The following GSTO2 variants were observed in gnomAD, a reference collection of about 807,000 sequenced individuals.
GSTO2 encodes glutathione S-transferase omega 2, also known as glutathione S-transferase omega-2.
In GSTO2, 23 loss-of-function variants were observed where a neutral mutation model predicts 28.4. The observed-to-expected ratio is 0.81, with a 90% confidence interval of 0.58 to 1.15. GSTO2 has a LOEUF of 1.15. GSTO2 is among the 50% of genes most tolerant of loss of function. GSTO2 has a pLI of 0.00. For synonymous variants in GSTO2, 109 were observed against 111.0 expected (o/e 0.98, Z 0.11); for missense variants, 298 against 297.8 (o/e 1.00, Z 0.00).
intron 2 of GSTO2, 61 bp from the exon 3 acceptor site, chr10:104,275,165 C>G (rs570745578): frequency 9.7e-6 from 15 of 1,549,420 alleles, no homozygotes; most frequent in Non-Finnish European, 1.3e-5. Flanking sequence ...TGAGCGAGCT[C>G]CTTCCTCACC....
chr10:104,290,798 CAG>C (rs2012728300), intron 5 of GSTO2, among the ~76,000 whole-genome samples: 1 of 152,042 alleles, frequency 6.6e-6, no homozygotes, highest in African/African-American at 2.4e-5. Flanking sequence ...GTACAAAAAA[CAG>C]AAAGAATGAA....
In GSTO2 at chr10:104,272,587, C is replaced by CTTTTTTTTTTTTTTTTTTT. The variant is rs768279768; in HGVS notation, c.-231-2072_-231-2054dup. ...GAATCAAAATAGAACAGTTATGGGA[C>CTTTTTTTTTTTTTTTTTTT]TTTTTTTTTTTTTTTTTTTTTTTTT... is the stretch of plus-strand genomic sequence containing the variant. On this transcript the variant is annotated intron_variant, in intron 1 of 6. Coordinates refer to ENST00000338595, the MANE Select transcript of GSTO2 (RefSeq NM_183239.2). 2.4e-4 allele frequency among the ~76,000 whole-genome samples: 12 copies of CTTTTTTTTTTTTTTTTTTT among 49,308 alleles called. 4 individuals carry two copies. The highest frequency in any genetic ancestry group is 3.4e-4 in the Non-Finnish European group (9 of 26,482). The allele number at this position is 49,308 out of a possible 152,430, so 32.3% of individuals were successfully genotyped here. A position where few individuals can be genotyped will look rare whatever the true frequency, so the allele number is the denominator to read the frequency against.
intron 5 of GSTO2, chr10:104,294,917 C>T (rs1171197710): frequency 6.6e-6 from 1 of 152,214 alleles, no homozygotes; most frequent in Non-Finnish European, 1.5e-5. Flanking sequence ...CCTCACTTTA[C>T]CAAAGGACCC....
chr10:104,277,936 G>A lies in GSTO2; in HGVS notation c.186G>A (p.Trp62Ter). The A allele has an allele frequency of 6.2e-7, 1 of 1,613,994 alleles. No homozygotes were observed. Among genetic ancestry groups the A allele is most frequent in the South Asian group, 1.1e-5 (1 of 91,080 alleles). ...TTAACCTGAGAAACAAGCCTGAATG[G>A]TACTATACAAAGCACCCTTTTGGCC... ...VNINLRNKPE[W>*]YYTKHPFGHI... Residue 62 changes from tryptophan to a stop codon, truncating the protein, a stop_gained, in exon 4 of 7, where the codon TGG (tryptophan) becomes TGA (stop). Transcript: ENST00000338595. LOFTEE classifies it high-confidence loss of function.
At chr10:104,285,882 A>G in intron 5 of GSTO2, 1 of 284,396 alleles carries the variant, frequency 3.5e-6, no homozygotes. Context: ...ATTAATTTCC[A>G]GTGATGAAAT....
rs2013292159 is a variant in GSTO2 at position 104,302,668 on chromosome 10, G to A, written c.*3384G>A. 2 of 152,254 alleles carry A rather than the reference G, an allele frequency of 1.3e-5. No homozygotes were observed. The highest frequency in any genetic ancestry group is 2.4e-5 in the African/African-American group (1 of 41,464). The allele number at this position is 152,254 out of a possible 1,614,324, so 9.4% of individuals were successfully genotyped here. A position where few individuals can be genotyped will look rare whatever the true frequency, so the allele number is the denominator to read the frequency against. ...AATGTAATCCCCAATGCTGGTGGGA[G>A]GTGATTGGATCATGGGGGTAGATTT... On this transcript the variant is annotated 3_prime_UTR_variant, in exon 7 of 7. Transcript: ENST00000338595.
intron 5 of GSTO2, among the ~76,000 whole-genome samples, chr10:104,287,112 G>A (rs1405589606): frequency 1.3e-5 from 2 of 151,968 alleles, no homozygotes; most frequent in Non-Finnish European, 2.9e-5. Context: ...GGAATGCAGG[G>A]TGCAATCACG....
intron 1 of GSTO2, among the ~76,000 whole-genome samples, chr10:104,274,168 C>A (rs1030756135): frequency 6.6e-6 from 1 of 152,110 alleles, no homozygotes; most frequent in Non-Finnish European, 1.5e-5. Flanking sequence ...TGCTGGGGAA[C>A]GGGGGAAGCT....
intron 5 of GSTO2, among the ~76,000 whole-genome samples, chr10:104,283,508 C>T (rs2012210484): frequency 1.3e-5 from 2 of 152,146 alleles, no homozygotes; most frequent in South Asian, 2.1e-4. Context: ...GGTCTGTAGT[C>T]CCACCTTCTC....
At chr10:104,277,575 C>T (rs1027210832) in intron 3 of GSTO2, among the ~76,000 whole-genome samples, 7 of 152,034 alleles carry the variant, frequency 4.6e-5, no homozygotes, top group South Asian at 2.1e-4. Flanking sequence ...TGTGAGGCAC[C>T]GCGCCCGGCC....
At chr10:104,299,043 A>G (rs2013170338) in intron 6 of GSTO2, 85 bp from the exon 7 acceptor site, 4 of 1,238,642 alleles carry the variant, frequency 3.2e-6, no homozygotes, top group South Asian at 1.7e-5. Flanking sequence ...CATTCTTCAT[A>G]TCTTGCAAAT....
intron 5 of GSTO2, among the ~76,000 whole-genome samples, chr10:104,292,236 T>A (rs2012810368): frequency 6.6e-6 from 1 of 151,632 alleles, no homozygotes; most frequent in African/African-American, 2.4e-5. Flanking sequence ...AGAGGGGGTC[T>A]TGCTGTGTTT....
chr10:104,278,277 C>A (rs943832818), intron 4 of GSTO2, among the ~76,000 whole-genome samples, 161 bp downstream of exon 4: 5 of 152,130 alleles, frequency 3.3e-5, no homozygotes, highest in Non-Finnish European at 5.9e-5. Context: ...AGAGCATGGC[C>A]ACTGATATTA....
At chr10:104,291,016 C>G (rs1564851185) in intron 5 of GSTO2, among the ~76,000 whole-genome samples, 1 of 152,118 alleles carries the variant, frequency 6.6e-6, no homozygotes, top group South Asian at 2.1e-4. Context: ...ATATATACAC[C>G]TACTATGTGC....
At chr10:104,290,897 T>C (rs1372999986) in intron 5 of GSTO2, among the ~76,000 whole-genome samples, 1 of 152,192 alleles carries the variant, frequency 6.6e-6, no homozygotes, top group African/African-American at 2.4e-5. Context: ...AACAGTGTAA[T>C]TGGGTTGTTT....
At position 104,274,807 on chromosome 10, in the gene GSTO2, G is replaced by A; in HGVS notation, c.-109G>A. ...CAGTAGTTCAAAAATTAAATTTGGG[G>A]CAAGGGGTGCGCGCCAGAGCGCAGC... is the stretch of plus-strand genomic sequence containing the variant. On this transcript the variant is annotated 5_prime_UTR_variant, in exon 2 of 7. Coordinates refer to ENST00000338595, the MANE Select transcript of GSTO2 (RefSeq NM_183239.2). 1 of 1,356,710 alleles carries A rather than the reference G, an allele frequency of 7.4e-7. No individual in the cohort carries two copies. Among genetic ancestry groups the A allele is most frequent in the Admixed American group, 2.0e-5 (1 of 49,158 alleles). 84.0% of individuals were successfully genotyped at this position (1,356,710 alleles called of 1,614,324 possible).
At chr10:104,290,636 A>G (rs1347360434) in intron 5 of GSTO2, among the ~76,000 whole-genome samples, 1 of 152,264 alleles carries the variant, frequency 6.6e-6, no homozygotes, top group Non-Finnish European at 1.5e-5. Context: ...GAAACAAGCC[A>G]GGCACAGAAA....
chr10:104,271,387 C>T (rs1277791169), intron 1 of GSTO2, among the ~76,000 whole-genome samples: 1 of 152,244 alleles, frequency 6.6e-6, no homozygotes, highest in Non-Finnish European at 1.5e-5. Context: ...TTCTTACTCA[C>T]TAGCGTTTGT....
Position 104,279,373 on chromosome 10 carries a change from C to T in GSTO2, c.370C>T (p.Pro124Ser). ...KMLLELFCKV[P>S]HLTKECLVAL... The stretch of plus-strand genomic sequence containing the variant: ...AGAACCTGTGTCCTCTGATTAGGTC[C>T]CACATTTGACCAAGGAGTGCCTGGT... Residue 124 changes from proline to serine, a missense_variant, in exon 5 of 7, where the codon CCA becomes TCA. Physicochemically the swap from Pro to Ser is moderately conservative, Grantham distance 74. Coordinates refer to ENST00000338595, the MANE Select transcript of GSTO2 (RefSeq NM_183239.2). 1.9e-6 allele frequency: 3 copies of T among 1,612,762 alleles called. No individual in the cohort carries two copies. The highest frequency in any genetic ancestry group is 2.5e-6 in the Non-Finnish European group (3 of 1,178,812).
Sources: allele counts gnomAD v4.1 joint callset (sites outside exome capture counted in the v4.1 genomes callset), GRCh38; gene constraint gnomAD v4.1.1; transcripts MANE v1.5; gene names NCBI Gene and HGNC (gene_info 2026-07-23, HGNC 2026-07-21).